RABEP1: variants seen among roughly 807,000 people sequenced by gnomAD.
RABEP1 encodes rabaptin, RAB GTPase binding effector protein 1.
A neutral mutation model predicts 123.4 loss-of-function variants in RABEP1; 51 were observed. The ratio of observed to expected loss-of-function variants is 0.41; its 90% CI spans 0.33 to 0.52. RABEP1 has a LOEUF of 0.52. Ranked by LOEUF, RABEP1 falls within the 20% of genes least tolerant of loss-of-function variation. The pLI is 0.16. For missense variants in RABEP1, 888 were observed against 996.3 expected (o/e 0.89, Z 1.46); for synonymous variants, 347 against 355.2 (o/e 0.98, Z 0.26).
chr17:5,287,268 A>G (rs2074987755), intron 1 of RABEP1, among the ~76,000 whole-genome samples: 1 of 152,122 alleles, frequency 6.6e-6, no homozygotes, highest in South Asian at 2.1e-4. Flanking sequence ...CTCTGGGCCA[A>G]AGTGCTGGGA....
At chr17:5,284,454 T>C (rs2074957986) in intron 1 of RABEP1, among the ~76,000 whole-genome samples, 1 of 152,030 alleles carries the variant, frequency 6.6e-6, no homozygotes, top group Admixed American at 6.6e-5. Context: ...GAAGTTCATC[T>C]TGGGGATTTT....
At chr17:5,366,757 A>C (rs118094675) in intron 11 of RABEP1, among the ~76,000 whole-genome samples, 1,946 of 151,648 alleles carry the variant, frequency 0.013, 19 homozygotes, top group Middle Eastern at 0.034. Flanking sequence ...TTATGTCTTC[A>C]TTAATGGTGT....
chr17:5,381,032 CTG>C (rs1461167467), intron 16 of RABEP1, among the ~76,000 whole-genome samples: 1 of 152,156 alleles, frequency 6.6e-6, no homozygotes, highest in South Asian at 2.1e-4. Context: ...GGATGCTTGA[CTG>C]TGGAGGTTGT....
At chr17:5,308,461 G>C (rs2075202588) in intron 1 of RABEP1, among the ~76,000 whole-genome samples, 1 of 152,066 alleles carries the variant, frequency 6.6e-6, no homozygotes, top group Admixed American at 6.6e-5. Flanking sequence ...CCTGACCTCG[G>C]GTGATCCGCC....
In RABEP1 at chr17:5,308,909, G is replaced by A. The variant is rs531049916; in HGVS notation, c.163+87G>A. 54 of 1,247,808 alleles carry A rather than the reference G, an allele frequency of 4.3e-5. 1 individual carries two copies. In the South Asian group the frequency reaches 8.9e-4, roughly 21 times the overall value. 77.3% of individuals were successfully genotyped at this position (1,247,808 alleles called of 1,614,324 possible). On this transcript the variant is annotated intron_variant, in intron 2 of 17. Transcript: ENST00000537505. Reference sequence around the variant, plus strand: ...TGGTAGTAGTGTTAATTTTATCATTGAATAAACCTTGATTTTATTTGTACT... The same window carrying A: ...TGGTAGTAGTGTTAATTTTATCATTAAATAAACCTTGATTTTATTTGTACT...
At chr17:5,364,357 T>TA (rs1448793845) in intron 10 of RABEP1, 1 of 152,138 alleles carries the variant, frequency 6.6e-6, no homozygotes, top group African/African-American at 2.4e-5. Flanking sequence ...GGGTGACTGT[T>TA]ACGAAATAAT....
In RABEP1 at chr17:5,324,913, T is replaced by A. The variant is rs148817764; in HGVS notation, c.164-7036T>A. 5.2e-4 allele frequency among the ~76,000 whole-genome samples: 79 copies of A among 152,332 alleles called. 1 individual carries two copies. Among genetic ancestry groups the A allele is most frequent in the African/African-American group, 1.7e-3 (72 of 41,588 alleles). Reference sequence around the variant, plus strand: ...GGCATTCATCCACTGATGGTGGGAATGTAAGTTAGTACAGCCACTGTGGAG... The same window carrying A: ...GGCATTCATCCACTGATGGTGGGAAAGTAAGTTAGTACAGCCACTGTGGAG... On this transcript the variant is annotated intron_variant, in intron 2 of 17. Coordinates refer to ENST00000537505, the MANE Select transcript of RABEP1 (RefSeq NM_004703.6).
At chr17:5,374,233 A>T (rs1910790624) in intron 13 of RABEP1, among the ~76,000 whole-genome samples, 1 of 150,768 alleles carries the variant, frequency 6.6e-6, no homozygotes, top group Non-Finnish European at 1.5e-5. Flanking sequence ...TGCCCAGCTA[A>T]TTTTTTGCAT....
chr17:5,298,605 A>G (rs548673209), intron 1 of RABEP1, among the ~76,000 whole-genome samples: 7 of 152,028 alleles, frequency 4.6e-5, no homozygotes. Flanking sequence ...TCCATGTGTC[A>G]TGATTCTTAA....
At chr17:5,367,533 T>G (rs9900736) in intron 11 of RABEP1, among the ~76,000 whole-genome samples, 13,109 of 151,574 alleles carry the variant, frequency 0.086, 1,250 homozygotes, top group African/African-American at 0.24. Context: ...CCTCCCAAAG[T>G]GCTAGGATTA....
At chr17:5,299,719 C>T (rs796376178) in intron 1 of RABEP1, among the ~76,000 whole-genome samples, 16 of 98,834 alleles carry the variant, frequency 1.6e-4, no homozygotes, top group South Asian at 6.1e-4. Flanking sequence ...TTTTTCTTTT[C>T]TTTTTCTTTT....
chr17:5,282,296 A>AGGCGGAG lies in RABEP1; in HGVS notation c.-189_-183dup. On this transcript the variant is annotated 5_prime_UTR_variant, in exon 1 of 18. An upstream open reading frame in the 5' UTR gains an earlier in-frame stop. Transcript: ENST00000537505. ...CTTATTTCCCGCTGTCAGGATGAGG[A>AGGCGGAG]GGCGGAGGTCGGCGGTCGGGTCCGT... 1 of 408,964 alleles carries AGGCGGAG rather than the reference A, an allele frequency of 2.4e-6. No individual in the cohort carries two copies. Among genetic ancestry groups the AGGCGGAG allele is most frequent in the Non-Finnish European group, 4.3e-6 (1 of 234,546 alleles). 25.3% of individuals were successfully genotyped at this position (408,964 alleles called of 1,614,324 possible). A position where few individuals can be genotyped will look rare whatever the true frequency, so the allele number is the denominator to read the frequency against.
intron 9 of RABEP1, chr17:5,362,211 G>C (rs538226531): frequency 6.3e-6 from 1 of 159,126 alleles, no homozygotes; most frequent in African/African-American, 2.4e-5. Context: ...TAAACACTTC[G>C]ATATTTGCCT....
intron 2 of RABEP1, among the ~76,000 whole-genome samples, chr17:5,322,918 T>C (rs1026221948): frequency 2.0e-5 from 3 of 151,934 alleles, no homozygotes; most frequent in South Asian, 2.1e-4. Context: ...TTACAAAAAA[T>C]TCAAAAAATT....
intron 2 of RABEP1, among the ~76,000 whole-genome samples, chr17:5,321,027 T>C (rs2075350387): frequency 6.6e-6 from 1 of 152,242 alleles, no homozygotes; most frequent in Admixed American, 6.5e-5. Context: ...AAACCCACTT[T>C]GGCTGGGTGC....
intron 5 of RABEP1, among the ~76,000 whole-genome samples, chr17:5,346,575 T>C (rs1908083657): frequency 6.6e-6 from 1 of 152,234 alleles, no homozygotes; most frequent in African/African-American, 2.4e-5. Context: ...TTGTATATTT[T>C]ATTCTGGTGG....
At chr17:5,294,948 C>T (rs1166434235) in intron 1 of RABEP1, among the ~76,000 whole-genome samples, 1 of 150,760 alleles carries the variant, frequency 6.6e-6, no homozygotes, top group African/African-American at 2.4e-5. Context: ...GCCCGGCCAA[C>T]GGTATTGTCT....
chr17:5,385,308 C>A lies in RABEP1; in HGVS notation c.*2085C>A, dbSNP rs1415895026. On this transcript the variant is annotated 3_prime_UTR_variant, in exon 18 of 18. Transcript: ENST00000537505. ...GAAGGCAGGATTTAGCCCTTCTAGG[C>A]AAAAGAAAAGCTCAGTTGGGTTTCA... is the stretch of plus-strand genomic sequence containing the variant. 1 of 230,924 alleles carries A rather than the reference C, an allele frequency of 4.3e-6. No homozygotes were observed. Among genetic ancestry groups the A allele is most frequent in the Admixed American group, 5.7e-5 (1 of 17,688 alleles). The allele number at this position is 230,924 out of a possible 1,614,324, so 14.3% of individuals were successfully genotyped here.
At chr17:5,310,680 A>G (rs1275094038) in intron 2 of RABEP1, among the ~76,000 whole-genome samples, 1 of 152,138 alleles carries the variant, frequency 6.6e-6, no homozygotes, top group East Asian at 1.9e-4. Context: ...TGTTTAACAA[A>G]CACATGAATA....
Sources: gnomAD v4.1 joint callset for allele counts (sites outside exome capture counted in the v4.1 genomes callset) on GRCh38, gnomAD v4.1.1 for gene constraint, MANE v1.5 for transcripts, NCBI Gene and HGNC (gene_info 2026-07-23, HGNC 2026-07-21) for gene names.